COP1: variants seen among roughly 807,000 people sequenced by gnomAD.
The protein encoded by COP1 is COP1 E3 ubiquitin ligase, also known as E3 ubiquitin-protein ligase COP1.
In COP1, 24 loss-of-function variants were observed where a neutral mutation model predicts 101.3. That is an observed-to-expected ratio of 0.24 (90% CI 0.17 to 0.33). The LOEUF (loss-of-function observed/expected upper bound fraction) is 0.33, where lower values mean the gene tolerates loss of function less well. Ranked by LOEUF, COP1 falls within the 10% of genes least tolerant of loss-of-function variation. COP1 has a pLI of 1.00. For missense variants in COP1, 663 were observed against 906.2 expected (o/e 0.73, Z 3.45); for synonymous variants, 347 against 341.9 (o/e 1.01, Z -0.17).
At chr1:175,966,391 T>C (rs1652042393) in intron 18 of COP1, among the ~76,000 whole-genome samples, 1 of 152,200 alleles carries the variant, frequency 6.6e-6, no homozygotes, top group Non-Finnish European at 1.5e-5. Context: ...GAATTTTATA[T>C]GGATTACTTC....
chr1:175,995,801 C>T lies in COP1; in HGVS notation c.1730-6322G>A, dbSNP rs555410449. Among the ~76,000 whole-genome samples, 803 of 152,120 alleles carry T rather than the reference C, an allele frequency of 5.3e-3. 7 individuals carry two copies. Among genetic ancestry groups the T allele is most frequent in the African/African-American group, 0.017 (726 of 41,516 alleles). On this transcript the variant is annotated intron_variant, in intron 15 of 19. Coordinates refer to ENST00000367669, the MANE Select transcript of COP1 (RefSeq NM_022457.7). ...GTCCAGGACCAGATGGATTCACAGC[C>T]GAATTCTACCAGAGGTACAAGGAGG... is the stretch of plus-strand genomic sequence containing the variant.
intron 1 of COP1, among the ~76,000 whole-genome samples, chr1:176,204,673 C>A (rs1202448716): frequency 6.6e-6 from 1 of 152,172 alleles, no homozygotes; most frequent in Non-Finnish European, 1.5e-5. Flanking sequence ...TAATCCCTCC[C>A]AGCACCTTGG....
At chr1:176,063,956 G>A (rs1323278638) in intron 11 of COP1, among the ~76,000 whole-genome samples, 8 of 152,060 alleles carry the variant, frequency 5.3e-5, no homozygotes, top group Admixed American at 4.6e-4. Context: ...CAGAAAATCC[G>A]ACAAAAGCCA....
chr1:176,163,709 T>C, intron 4 of COP1, 106 bp downstream of exon 4: 1 of 685,928 alleles, frequency 1.5e-6, no homozygotes. Flanking sequence ...AATCGCCTTT[T>C]AAGAAAAATC....
chr1:176,058,371 G>A (rs1014839800), intron 11 of COP1, among the ~76,000 whole-genome samples: 5 of 152,222 alleles, frequency 3.3e-5, no homozygotes, highest in East Asian at 1.9e-4. Flanking sequence ...TGGTTGCTGT[G>A]TCTGTGTAGA....
intron 15 of COP1, among the ~76,000 whole-genome samples, chr1:176,001,724 G>A (rs190215809): frequency 6.6e-6 from 1 of 152,116 alleles, no homozygotes; most frequent in East Asian, 1.9e-4. Context: ...TTACATTACA[G>A]TCTAGTATCC....
At chr1:176,008,745 G>C (rs1664044575) in intron 15 of COP1, among the ~76,000 whole-genome samples, 1 of 152,148 alleles carries the variant, frequency 6.6e-6, no homozygotes, top group African/African-American at 2.4e-5. Flanking sequence ...TGGCGGTGTT[G>C]CTGTTTGTGG....
Position 176,134,871 on chromosome 1 carries a change from A to G in COP1, c.968+139T>C, listed in dbSNP as rs145289665. On this transcript the variant is annotated intron_variant, in intron 8 of 19. Transcript: ENST00000367669. ...CGCATTAAGGAAACAGATGGGCCAT[A>G]TGAATATCATTTCTAGATCATGACC... The G allele has an allele frequency of 6.7e-4, 376 of 559,358 alleles. 7 individuals carry two copies. In the East Asian group the frequency reaches 0.01, roughly 15 times the overall value. The allele number at this position is 559,358 out of a possible 1,614,324, so 34.6% of individuals were successfully genotyped here.
chr1:176,196,726 A>C (rs1451210167), intron 1 of COP1, among the ~76,000 whole-genome samples: 1 of 152,156 alleles, frequency 6.6e-6, no homozygotes, highest in African/African-American at 2.4e-5. Context: ...TAGAAGGGGA[A>C]CATTCCATAT....
At chr1:176,154,581 G>A (rs376934504) in intron 5 of COP1, among the ~76,000 whole-genome samples, 3 of 152,052 alleles carry the variant, frequency 2.0e-5, no homozygotes, top group East Asian at 1.9e-4. Context: ...AGAACTAAAC[G>A]ATGAGGACAC....
intron 18 of COP1, among the ~76,000 whole-genome samples, chr1:175,982,771 C>T (rs1325321912): frequency 6.6e-6 from 1 of 152,090 alleles, no homozygotes; most frequent in Non-Finnish European, 1.5e-5. Context: ...TAAAATAAAT[C>T]ACACACAGAA....
intron 5 of COP1, 74 bp from the exon 6 acceptor site, chr1:176,149,148 A>AAAC: frequency 2.4e-6 from 2 of 843,152 alleles, no homozygotes; most frequent in Non-Finnish European, 3.6e-6. Context: ...ACCATAGCAT[A>AAAC]AACAGTATGA....
chr1:175,976,189 A>G (rs999276398), intron 18 of COP1, among the ~76,000 whole-genome samples: 2 of 150,672 alleles, frequency 1.3e-5, no homozygotes, highest in African/African-American at 4.9e-5. Context: ...TGGGAAAGGT[A>G]TAACTATTTT....
intron 6 of COP1, among the ~76,000 whole-genome samples, chr1:176,138,419 G>A (rs1234135362): frequency 6.6e-6 from 1 of 152,058 alleles, no homozygotes; most frequent in Non-Finnish European, 1.5e-5. Flanking sequence ...TTAAAAGAGT[G>A]ATTAGCATTT....
intron 18 of COP1, among the ~76,000 whole-genome samples, chr1:175,978,211 A>C (rs1322186558): frequency 1.3e-5 from 2 of 152,218 alleles, no homozygotes; most frequent in Non-Finnish European, 2.9e-5. Flanking sequence ...TGGCATACAC[A>C]GAACACTCTT....
rs990564362 is a variant in COP1 at position 176,206,491 on chromosome 1, C to T, written c.407+81G>A. ...CCCAAGCTCTCCAACAAGCCACCCC[C>T]ACACCAGACCCCCCGCCCCCAAGCC... On this transcript the variant is annotated intron_variant, in intron 1 of 19. Transcript: ENST00000367669. 6 of 1,539,732 alleles carry T rather than the reference C, an allele frequency of 3.9e-6. No individual in the cohort carries two copies. In the Admixed American group the frequency reaches 7.0e-5, roughly 18 times the overall value.
chr1:176,089,120 G>A (rs530627535), intron 9 of COP1, among the ~76,000 whole-genome samples: 44 of 152,062 alleles, frequency 2.9e-4, no homozygotes, highest in African/African-American at 1.0e-3. Context: ...GGCCAAGATG[G>A]TGAAACCCCG....
chr1:176,066,634 A>G (rs1676022731), intron 11 of COP1, among the ~76,000 whole-genome samples: 1 of 152,216 alleles, frequency 6.6e-6, no homozygotes. Flanking sequence ...TCTCCAGCAG[A>G]GTAAGAGTAT....
intron 5 of COP1, among the ~76,000 whole-genome samples, chr1:176,160,690 C>T (rs1269762904): frequency 6.6e-6 from 1 of 152,096 alleles, no homozygotes; most frequent in East Asian, 1.9e-4. Flanking sequence ...CATCACTGAT[C>T]ATTAGATAAA....
Sources: gnomAD v4.1 joint callset for allele counts (sites outside exome capture counted in the v4.1 genomes callset) on GRCh38, gnomAD v4.1.1 for gene constraint, MANE v1.5 for transcripts, NCBI Gene and HGNC (gene_info 2026-07-23, HGNC 2026-07-21) for gene names.